The following H2AZ2 variants were observed in gnomAD, a reference collection of about 807,000 sequenced individuals.
The protein encoded by H2AZ2 is histone H2A.V.
Under a neutral mutation model 15.5 loss-of-function variants are expected in H2AZ2, and 5 were observed. That is an observed-to-expected ratio of 0.32 (90% CI 0.17 to 0.68). The LOEUF is 0.68. Among genes scored for constraint, H2AZ2 ranks in the 30% least tolerant of loss-of-function variants. H2AZ2 has a pLI of 0.72. For missense variants in H2AZ2, 42 were observed against 162.5 expected (o/e 0.26, Z 4.03); for synonymous variants, 44 against 57.4 (o/e 0.77, Z 1.05).
At chr7:44,843,477 T>TC in intron 1 of H2AZ2, 123 bp from the exon 2 acceptor site, 1 of 617,102 alleles carries the variant, frequency 1.6e-6, no homozygotes, top group Non-Finnish European at 2.9e-6. Context: ...GTGATCCCCT[T>TC]CCTCATTTGT....
chr7:44,827,610 T>G (rs143643303), downstream of H2AZ2: 2 of 152,366 alleles, frequency 1.3e-5, no homozygotes, highest in African/African-American at 4.8e-5. Flanking sequence ...AGAAATAATT[T>G]TTTAAAATTT....
downstream of H2AZ2, among the ~76,000 whole-genome samples, chr7:44,831,535 C>CG (rs973072437): frequency 6.6e-5 from 10 of 151,896 alleles, no homozygotes; most frequent in African/African-American, 1.9e-4. Context: ...TGCACTCCCC[C>CG]CCCCGCTTCT....
chr7:44,840,287 CA>C (rs1457080530), intron 3 of H2AZ2, among the ~76,000 whole-genome samples: 1 of 152,138 alleles, frequency 6.6e-6, no homozygotes, highest in African/African-American at 2.4e-5. Context: ...CTTGCTCTGT[CA>C]CCCAGCCTAG....
intron 3 of H2AZ2, among the ~76,000 whole-genome samples, chr7:44,837,570 C>T (rs911246161): frequency 3.3e-5 from 5 of 150,668 alleles, no homozygotes; most frequent in African/African-American, 1.2e-4. Context: ...TGGCTCACTG[C>T]AGCCTCAACC....
At chr7:44,836,009 GAGTGC>G (rs1793112128) in intron 3 of H2AZ2, among the ~76,000 whole-genome samples, 1 of 149,684 alleles carries the variant, frequency 6.7e-6, no homozygotes, top group Non-Finnish European at 1.5e-5. Flanking sequence ...GCCTAGGCTG[GAGTGC>G]AGTGGTGTGA....
At chr7:44,838,033 C>T (rs570131750) in intron 3 of H2AZ2, among the ~76,000 whole-genome samples, 2 of 151,968 alleles carry the variant, frequency 1.3e-5, no homozygotes, top group Admixed American at 6.6e-5. Context: ...TGCAGTGGCG[C>T]GATCTCGGCT....
downstream of H2AZ2, chr7:44,827,977 G>A (rs1792948718): frequency 1.3e-5 from 2 of 152,138 alleles, no homozygotes; most frequent in African/African-American, 4.8e-5. Flanking sequence ...TGAATCTAGG[G>A]TGCTTACAGC....
intron 3 of H2AZ2, among the ~76,000 whole-genome samples, chr7:44,840,102 G>T (rs1793237963): frequency 6.6e-6 from 1 of 152,132 alleles, no homozygotes; most frequent in Non-Finnish European, 1.5e-5. Context: ...GCTGAGGCAG[G>T]AGGATCCTTT....
chr7:44,840,033 ATAAATAAATAAT>A (rs1188998905), intron 3 of H2AZ2, among the ~76,000 whole-genome samples: 366 of 146,440 alleles, frequency 2.5e-3, no homozygotes, highest in African/African-American at 9.4e-3. Flanking sequence ...AAATAAATAA[ATAAATAAATAAT>A]TAGCCAGGTG....
chr7:44,843,170 A>AAAAAAAAAAAAAAC (rs1793316957), intron 2 of H2AZ2, 107 bp downstream of exon 2: 1 of 271,980 alleles, frequency 3.7e-6, no homozygotes, highest in East Asian at 5.6e-5. Context: ...AAAAAAAAAA[A>AAAAAAAAAAAAAAC]AAAAAGTCTG....
chr7:44,829,190 C>T (rs939760449), downstream of H2AZ2: 1 of 152,246 alleles, frequency 6.6e-6, no homozygotes, highest in Non-Finnish European at 1.5e-5. Flanking sequence ...AGGCAAAATG[C>T]TGTCTCCCTT....
chr7:44,835,143 A>G (rs1793089544), intron 4 of H2AZ2: 1 of 215,432 alleles, frequency 4.6e-6, no homozygotes. Flanking sequence ...AGAACCACCA[A>G]CTTACCTCTC....
rs1467228037 is a variant in H2AZ2 at position 44,835,743 on chromosome 7, G to A, written c.196-85C>T. 5.3e-5 allele frequency: 63 copies of A among 1,192,872 alleles called. No individual in the cohort carries two copies. In the East Asian group the frequency reaches 1.5e-3, roughly 28 times the overall value. 73.9% of individuals were successfully genotyped at this position (1,192,872 alleles called of 1,614,324 possible). Reference sequence around the variant, plus strand: ...CACTTAGCATTTGTACATACAAAATGCACACACAATACATAAACTGATAAT... The same window carrying A: ...CACTTAGCATTTGTACATACAAAATACACACACAATACATAAACTGATAAT... On this transcript the variant is annotated intron_variant, in intron 3 of 4. Coordinates refer to ENST00000308153, the MANE Select transcript of H2AZ2 (RefSeq NM_012412.5).
In H2AZ2 at chr7:44,840,888, C is replaced by A. The variant is rs748557616; in HGVS notation, c.195+11G>T. 6.3e-7 allele frequency: 1 copy of A among 1,593,866 alleles called. No homozygotes were observed. Among genetic ancestry groups the A allele is most frequent in the South Asian group, 1.1e-5 (1 of 90,436 alleles). On this transcript the variant is annotated intron_variant, in intron 3 of 4. Transcript: ENST00000308153. ...TGGATGGCCATATACAACAGACATT[C>A]CTGTACAAACCTCTGCAGTGAGGTA... is the stretch of plus-strand genomic sequence containing the variant.
chr7:44,833,559 C>A lies in H2AZ2; in HGVS notation c.*942G>T, dbSNP rs1000120791. 8.7e-5 allele frequency: 34 copies of A among 389,186 alleles called. No individual in the cohort carries two copies. Among genetic ancestry groups the A allele is most frequent in the African/African-American group, 6.8e-4 (31 of 45,776 alleles). 24.1% of individuals were successfully genotyped at this position (389,186 alleles called of 1,614,324 possible). ...CGAGACGGCGTTTTACCATGTTGGC[C>A]AGGCTGGTCTCAAACTCCTGACCTC... On this transcript the variant is annotated 3_prime_UTR_variant, in exon 5 of 5. Coordinates refer to ENST00000308153, the MANE Select transcript of H2AZ2 (RefSeq NM_012412.5).
In H2AZ2 at chr7:44,832,769, G is replaced by T. The variant is rs991555231; in HGVS notation, c.*1732C>A. 1.3e-5 allele frequency among the ~76,000 whole-genome samples: 2 copies of T among 152,030 alleles called. No homozygotes were observed. Among genetic ancestry groups the T allele is most frequent in the Admixed American group, 6.6e-5 (1 of 15,244 alleles). ...TCAATACCAACCTGGGCAACATAGG[G>T]AGACCTCTGTCTCTTACATAAATAA... On this transcript the variant is annotated 3_prime_UTR_variant, in exon 5 of 5. Transcript: ENST00000308153.
downstream of H2AZ2, chr7:44,827,653 G>A (rs1283625921): frequency 6.6e-6 from 1 of 152,160 alleles, no homozygotes; most frequent in Non-Finnish European, 1.5e-5. Context: ...AACCAGAGAT[G>A]ATATTCACAA....
chr7:44,842,869 G>A (rs1008353775), intron 2 of H2AZ2, among the ~76,000 whole-genome samples: 1 of 152,100 alleles, frequency 6.6e-6, no homozygotes, highest in South Asian at 2.1e-4. Flanking sequence ...AGCCAGGCGC[G>A]GTGGCTCATG....
chr7:44,837,957 A>G (rs573343279), intron 3 of H2AZ2, among the ~76,000 whole-genome samples: 2 of 151,620 alleles, frequency 1.3e-5, no homozygotes, highest in East Asian at 3.9e-4. Context: ...CAGAACCTTT[A>G]ATAGCTGAAA....
Sources: allele counts gnomAD v4.1 joint callset (sites outside exome capture counted in the v4.1 genomes callset), GRCh38; gene constraint gnomAD v4.1.1; transcripts MANE v1.5; gene names NCBI Gene and HGNC (gene_info 2026-07-23, HGNC 2026-07-21).